CSMD1: variants seen among roughly 807,000 people sequenced by gnomAD.
CSMD1 encodes CUB and sushi domain-containing protein 1.
Under a neutral mutation model 417.5 loss-of-function variants are expected in CSMD1, and 213 were observed. That is an observed-to-expected ratio of 0.51 (90% CI 0.46 to 0.57). The LOEUF (loss-of-function observed/expected upper bound fraction) is 0.57. Among genes scored for constraint, CSMD1 ranks in the 20% least tolerant of loss-of-function variants. The pLI is 0.00. For missense variants in CSMD1, 6,923 were observed against 4,529.7 expected (o/e 1.53, Z -15.17); for synonymous variants, 2,862 against 1,736.8 (o/e 1.65, Z -16.11).
In CSMD1 at chr8:3,550,499, T is replaced by G. The variant is rs1052625136; in HGVS notation, c.1344+24446A>C. 2.0e-5 allele frequency among the ~76,000 whole-genome samples: 3 copies of G among 152,314 alleles called. No homozygotes were observed. In the East Asian group the frequency reaches 5.8e-4, roughly 29 times the overall value. On this transcript the variant is annotated intron_variant, in intron 10 of 69. Coordinates refer to ENST00000635120, the MANE Select transcript of CSMD1 (RefSeq NM_033225.6). ...TGCATATCGATGGGGTGCACAGTAA[T>G]GTTTCCATACATATAAGGTGTAGTG...
chr8:4,954,367 A>C (rs930364588), intron 1 of CSMD1, among the ~76,000 whole-genome samples: 2 of 152,124 alleles, frequency 1.3e-5, no homozygotes, highest in African/African-American at 4.8e-5. Context: ...CTAAAGACAC[A>C]TTTTTTGTGT....
chr8:3,359,947 T>G (rs1585050463), intron 20 of CSMD1, among the ~76,000 whole-genome samples: 1 of 152,178 alleles, frequency 6.6e-6, no homozygotes, highest in South Asian at 2.1e-4. Context: ...AACTGTCAGC[T>G]TGAGAGTGTG....
At chr8:4,954,040 ATTGAGTGCTTTTCTT>A (rs1259139876) in intron 1 of CSMD1, among the ~76,000 whole-genome samples, 3 of 152,154 alleles carry the variant, frequency 2.0e-5, no homozygotes, top group African/African-American at 4.8e-5. Context: ...GTTAAAAAGA[ATTGAGTGCTTTTCTT>A]TCTCCAAATT....
rs190703233 is a variant in CSMD1, at chr8:4,550,100, G to C, written c.302+87242C>G. ...ATGTTTGGATAGGCGTGGGTTGCTC[G>C]GTAGAAACGGACTTTTCCCCAGTTC... On this transcript the variant is annotated intron_variant, in intron 2 of 69. Coordinates refer to ENST00000635120, the MANE Select transcript of CSMD1 (RefSeq NM_033225.6). 1.4e-3 allele frequency among the ~76,000 whole-genome samples: 211 copies of C among 151,684 alleles called. 1 individual carries two copies. Among genetic ancestry groups the C allele is most frequent in the African/African-American group, 4.9e-3 (204 of 41,346 alleles).
intron 56 of CSMD1, among the ~76,000 whole-genome samples, chr8:2,974,115 A>ATGGTAGAGGATGATGGTAGAGGATGG (rs1277852396): frequency 4.7e-5 from 7 of 148,954 alleles, no homozygotes; most frequent in Non-Finnish European, 1.0e-4. Context: ...GTAGAGGATG[A>ATGGTAGAGGATGATGGTAGAGGATGG]TGGTAGAGGG....
chr8:3,513,360 G>C (rs1797157851), intron 10 of CSMD1, among the ~76,000 whole-genome samples: 2 of 148,706 alleles, frequency 1.3e-5, no homozygotes, highest in East Asian at 2.0e-4. Context: ...TTTTGAGATG[G>C]AGTCTTACTT....
chr8:4,181,870 T>G (rs1344488231), intron 3 of CSMD1, among the ~76,000 whole-genome samples: 1 of 152,204 alleles, frequency 6.6e-6, no homozygotes, highest in African/African-American at 2.4e-5. Flanking sequence ...TTAGCCTAGT[T>G]GATTATAACA....
At position 3,733,235 on chromosome 8, in the gene CSMD1, A is replaced by G. The variant is rs116769302; in HGVS notation, c.931+20695T>C. 8.5e-3 allele frequency among the ~76,000 whole-genome samples: 1,232 copies of G among 144,342 alleles called. 30 individuals carry two copies. Among genetic ancestry groups the G allele is most frequent in the African/African-American group, 0.031 (1,199 of 38,952 alleles). 94.7% of individuals were successfully genotyped at this position (144,342 alleles called of 152,430 possible). ...CTCTCTCTCATACATACACATACAT[A>G]TATTACACATATTAATATATATACA... On this transcript the variant is annotated intron_variant, in intron 6 of 69. Coordinates refer to ENST00000635120, the MANE Select transcript of CSMD1 (RefSeq NM_033225.6).
intron 10 of CSMD1, among the ~76,000 whole-genome samples, chr8:3,529,732 T>C (rs1797899281): frequency 6.6e-6 from 1 of 152,172 alleles, no homozygotes; most frequent in Non-Finnish European, 1.5e-5. Context: ...GTTGTTTTAC[T>C]CACAGGAAAC....
At position 3,403,979 on chromosome 8, in the gene CSMD1, T is replaced by C. The variant is rs182548308; in HGVS notation, c.2266+2048A>G. ...CTTCTATTTATCAATATTTCACCCATGGGTGGTGCTTCTTGTCCACCCACA... is the reference window on the plus strand; with the variant it reads ...CTTCTATTTATCAATATTTCACCCACGGGTGGTGCTTCTTGTCCACCCACA... On this transcript the variant is annotated intron_variant, in intron 15 of 69. Transcript: ENST00000635120. Among the ~76,000 whole-genome samples the C allele has an allele frequency of 2.5e-3, 378 of 152,300 alleles. 4 individuals are homozygous for C. The highest frequency in any genetic ancestry group is 8.6e-3 in the Admixed American group (132 of 15,296).
chr8:4,681,475 T>C (rs2617016), intron 1 of CSMD1, among the ~76,000 whole-genome samples: 120,842 of 152,142 alleles, frequency 0.79, 48,875 homozygotes, highest in African/African-American at 0.94. Context: ...AAACCACAAA[T>C]GGTGAGCACA....
intron 1 of CSMD1, among the ~76,000 whole-genome samples, chr8:4,645,579 A>T (rs1482888686): frequency 6.6e-6 from 1 of 151,672 alleles, no homozygotes; most frequent in African/African-American, 2.4e-5. Flanking sequence ...CCCAGTTTCC[A>T]CAGGTGCGGG....
At chr8:4,768,877 C>T (rs1274235770) in intron 1 of CSMD1, among the ~76,000 whole-genome samples, 3 of 152,184 alleles carry the variant, frequency 2.0e-5, no homozygotes, top group Non-Finnish European at 4.4e-5. Flanking sequence ...TTCCACTTCT[C>T]CCCTTTTTCC....
At chr8:4,137,145 A>T (rs1803489474) in intron 3 of CSMD1, among the ~76,000 whole-genome samples, 1 of 152,178 alleles carries the variant, frequency 6.6e-6, no homozygotes, top group Non-Finnish European at 1.5e-5. Context: ...TTCATAACAG[A>T]TGCTGTAAAT....
At chr8:4,000,059 T>G (rs954716044) in intron 4 of CSMD1, among the ~76,000 whole-genome samples, 4 of 152,244 alleles carry the variant, frequency 2.6e-5, no homozygotes, top group Non-Finnish European at 5.9e-5. Flanking sequence ...ATTTGAAAAC[T>G]GCAAAAGTAC....
At chr8:3,333,723 G>A (rs1400133762) in intron 23 of CSMD1, among the ~76,000 whole-genome samples, 1 of 152,172 alleles carries the variant, frequency 6.6e-6, no homozygotes, top group Non-Finnish European at 1.5e-5. Flanking sequence ...TAGCATGGTT[G>A]TGAATAATTT....
intron 3 of CSMD1, among the ~76,000 whole-genome samples, chr8:4,263,352 G>T (rs1359113283): frequency 2.0e-5 from 3 of 152,086 alleles, no homozygotes; most frequent in Non-Finnish European, 4.4e-5. Flanking sequence ...GAGTTATGGT[G>T]AACAAACTGC....
intron 41 of CSMD1, among the ~76,000 whole-genome samples, chr8:3,141,295 AG>A (rs1818424565): frequency 6.6e-6 from 1 of 152,202 alleles, no homozygotes; most frequent in African/African-American, 2.4e-5. Context: ...TGACAGTGAA[AG>A]AAACCAGACC....
At chr8:4,275,349 G>C (rs1022500941) in intron 3 of CSMD1, among the ~76,000 whole-genome samples, 2 of 152,126 alleles carry the variant, frequency 1.3e-5, no homozygotes, top group East Asian at 1.9e-4. Context: ...TTTGTTGGAA[G>C]AAACTCAGTG....
Sources: allele counts gnomAD v4.1 joint callset (sites outside exome capture counted in the v4.1 genomes callset), GRCh38; gene constraint gnomAD v4.1.1; transcripts MANE v1.5; gene names NCBI Gene and HGNC (gene_info 2026-07-23, HGNC 2026-07-21).